FEZ2: variants seen among roughly 807,000 people sequenced by gnomAD.
FEZ2 encodes the protein fasciculation and elongation protein zeta-2.
A neutral mutation model predicts 40.4 loss-of-function variants in FEZ2; 51 were observed. That is an observed-to-expected ratio of 1.26 (90% CI 1.01 to 1.59). The LOEUF (loss-of-function observed/expected upper bound fraction) is 1.59. Among genes scored for constraint, FEZ2 ranks in the 40% most tolerant of loss-of-function variants. The pLI is 0.00. For missense variants in FEZ2, 640 were observed against 438.3 expected, an observed-to-expected ratio of 1.46 and a Z score of -4.11; for synonymous variants, 242 against 172.0, an observed-to-expected ratio of 1.41 and a Z score of -3.18.
chr2:36,559,498 T>C (rs1668036941), intron 5 of FEZ2, among the ~76,000 whole-genome samples: 1 of 152,228 alleles, frequency 6.6e-6, no homozygotes, highest in African/African-American at 2.4e-5. Context: ...AAAGCTGCTT[T>C]ACAGTAACTG....
At chr2:36,595,028 A>G (rs527749184) in intron 1 of FEZ2, among the ~76,000 whole-genome samples, 1 of 152,230 alleles carries the variant, frequency 6.6e-6, no homozygotes, top group Non-Finnish European at 1.5e-5. Context: ...AACCAGTCGT[A>G]AACAACGGTC....
intron 5 of FEZ2, chr2:36,560,951 TG>T: frequency 1.3e-6 from 1 of 771,146 alleles, no homozygotes; most frequent in Non-Finnish European, 2.1e-6. Flanking sequence ...TGATGACTTA[TG>T]TGCCCAAGAG....
intron 5 of FEZ2, among the ~76,000 whole-genome samples, chr2:36,569,176 A>G (rs1558446726): frequency 6.6e-6 from 1 of 152,248 alleles, no homozygotes; most frequent in African/African-American, 2.4e-5. Flanking sequence ...GTTACATGGA[A>G]TAATCCATGC....
intron 5 of FEZ2, among the ~76,000 whole-genome samples, chr2:36,577,538 G>A (rs1157954987): frequency 2.0e-5 from 3 of 152,156 alleles, no homozygotes; most frequent in Non-Finnish European, 4.4e-5. Flanking sequence ...ACAGGCGCGA[G>A]CCACCGTGCC....
intron 7 of FEZ2, 26 bp downstream of exon 7, chr2:36,555,657 C>T (rs1464059509): frequency 2.8e-6 from 4 of 1,417,368 alleles, no homozygotes; most frequent in East Asian, 2.3e-5. Context: ...TCCCAGCCAT[C>T]GCACCTATAC....
At chr2:36,577,491 T>G (rs907551935) in intron 5 of FEZ2, among the ~76,000 whole-genome samples, 4 of 152,188 alleles carry the variant, frequency 2.6e-5, no homozygotes, top group Non-Finnish European at 5.9e-5. Flanking sequence ...TGACCTCAGG[T>G]GATCAGCCCA....
intron 5 of FEZ2, among the ~76,000 whole-genome samples, chr2:36,576,427 G>A (rs886142385): frequency 6.6e-6 from 1 of 151,992 alleles, no homozygotes; most frequent in Non-Finnish European, 1.5e-5. Flanking sequence ...GCGCCACCAC[G>A]CCCAACTAAT....
At chr2:36,584,400 C>G (rs1221095973) in intron 2 of FEZ2, among the ~76,000 whole-genome samples, 1 of 152,214 alleles carries the variant, frequency 6.6e-6, no homozygotes, top group Admixed American at 6.5e-5. Flanking sequence ...TTTCCCTTAA[C>G]CCTGCCCACA....
intron 5 of FEZ2, among the ~76,000 whole-genome samples, chr2:36,576,061 A>G (rs1007320831): frequency 6.6e-6 from 1 of 152,216 alleles, no homozygotes; most frequent in Admixed American, 6.5e-5. Flanking sequence ...AGTATCACTG[A>G]TAATAGCAAA....
chr2:36,578,870 G>A lies in FEZ2; in HGVS notation c.635-5C>T, dbSNP rs2125234268. 6.2e-7 allele frequency: 1 copy of A among 1,602,286 alleles called. No homozygotes were observed. The highest frequency in any genetic ancestry group is 1.3e-5 in the African/African-American group (1 of 74,088). ...ACACTGAGAGCCTTTTCACTCCTGT[G>A]ACCAAAAGCAAAATACAGCAGATAT... On this transcript the variant is annotated splice_polypyrimidine_tract_variant and splice_region_variant and intron_variant, in intron 4 of 7. Transcript: ENST00000405912.
Position 36,597,998 on chromosome 2 carries a change from C to T in FEZ2, c.145G>A (p.Ala49Thr), listed in dbSNP as rs574931171. 175 of 1,493,802 alleles carry T rather than the reference C, an allele frequency of 1.2e-4. 2 individuals carry two copies. Among genetic ancestry groups the T allele is most frequent in the Non-Finnish European group, 1.5e-4 (165 of 1,127,424 alleles). The allele number at this position is 1,493,802 out of a possible 1,614,324, so 92.5% of individuals were successfully genotyped here. A position where few individuals can be genotyped will look rare whatever the true frequency, so the allele number is the denominator to read the frequency against. ...EAGGGADGFPAPACSLEEKLS... is the reference protein window; with the variant it reads ...EAGGGADGFPTPACSLEEKLS... ...TTCTCCTCCAAGCTGCAGGCCGGGGCCGGGAAACCGTCGGCGCCCCCACCC... is the reference window on the plus strand; with the variant it reads ...TTCTCCTCCAAGCTGCAGGCCGGGGTCGGGAAACCGTCGGCGCCCCCACCC... Residue 49 changes from alanine (A) to threonine (T), a missense_variant, in exon 1 of 8, where the codon GCC (alanine) becomes ACC (threonine). Physicochemically the swap from Ala to Thr is moderately conservative, Grantham distance 58. Coordinates refer to ENST00000405912, the MANE Select transcript of FEZ2 (RefSeq NM_005102.3).
chr2:36,583,311 T>G, intron 3 of FEZ2, 42 bp downstream of exon 3: 1 of 1,014,188 alleles, frequency 9.9e-7, no homozygotes. Context: ...TTTTCAGCTC[T>G]AGAGTCTCCT....
At chr2:36,593,057 C>G (rs76502688) in intron 1 of FEZ2, among the ~76,000 whole-genome samples, 1 of 152,150 alleles carries the variant, frequency 6.6e-6, no homozygotes, top group Non-Finnish European at 1.5e-5. Context: ...CTGGCTCATA[C>G]CTTCCTGGAT....
chr2:36,567,301 C>G lies in FEZ2; in HGVS notation c.904-8788G>C, dbSNP rs112151741. 5.4e-4 allele frequency among the ~76,000 whole-genome samples: 82 copies of G among 151,034 alleles called. 1 individual carries two copies. Among genetic ancestry groups the G allele is most frequent in the Non-Finnish European group, 3.5e-4 (24 of 67,820 alleles). ...AAGCCCAAAATAAGTGGAGTATGAA[C>G]AGAATAAAGATGACAGGACAGAACA... On this transcript the variant is annotated intron_variant, in intron 5 of 7. Coordinates refer to ENST00000405912, the MANE Select transcript of FEZ2 (RefSeq NM_005102.3).
At chr2:36,585,174 G>A in intron 2 of FEZ2, among the ~76,000 whole-genome samples, 1 of 152,154 alleles carries the variant, frequency 6.6e-6, no homozygotes, top group Non-Finnish European at 1.5e-5. Flanking sequence ...AACAATAGAT[G>A]CTAGAAAATA....
rs1259070235 is a variant in FEZ2, at chr2:36,585,314, C to T, written c.376-1845G>A. Among the ~76,000 whole-genome samples the T allele has an allele frequency of 2.6e-5, 4 of 152,130 alleles. No individual in the cohort carries two copies. The East Asian group carries it at 7.7e-4, about 29-fold the overall frequency. On this transcript the variant is annotated intron_variant, in intron 2 of 7. Transcript: ENST00000405912. Reference sequence around the variant, plus strand: ...TCTGAAAAAATTTACCTCTCATGTGCCCTTTCTCAAAAAGCTACCAGGAGG... The same window carrying T: ...TCTGAAAAAATTTACCTCTCATGTGTCCTTTCTCAAAAAGCTACCAGGAGG...
Position 36,581,416 on chromosome 2 carries a change from C to T in FEZ2, c.508G>A (p.Glu170Lys). 6.2e-7 allele frequency: 1 copy of T among 1,613,504 alleles called. No individual in the cohort carries two copies. Among genetic ancestry groups the T allele is most frequent in the Non-Finnish European group, 8.5e-7 (1 of 1,179,496 alleles). The change falls in exon 4 of 8, where the codon GAA (glutamate) becomes AAA (lysine). Residue 170 changes from glutamate to lysine, a missense_variant. By Grantham distance (56) the Glu-to-Lys change is moderately conservative (BLOSUM62 1). Transcript: ENST00000405912. ...FTADQVIEEI[E>K]EMMQESPDPE... ...TCCGGTGATTCCTGCATCATTTCTT[C>T]AATTTCTTCAATAACCTTCGAAAAC...
At chr2:36,560,749 A>C (rs746190039) in intron 5 of FEZ2, 2 of 1,350,744 alleles carry the variant, frequency 1.5e-6, no homozygotes, top group South Asian at 1.2e-5. Flanking sequence ...GAAAATGAAA[A>C]AGCAGAGAAT....
At chr2:36,579,553 C>G (rs1052282915) in intron 4 of FEZ2, among the ~76,000 whole-genome samples, 1 of 152,028 alleles carries the variant, frequency 6.6e-6, no homozygotes, top group African/African-American at 2.4e-5. Context: ...GGCACTCCCC[C>G]CAGCCCCCTT....
Sources: allele counts gnomAD v4.1 joint callset (sites outside exome capture counted in the v4.1 genomes callset), GRCh38; gene constraint gnomAD v4.1.1; transcripts MANE v1.5; gene names NCBI Gene and HGNC (gene_info 2026-07-23, HGNC 2026-07-21).